SARNP: variants seen among roughly 807,000 people sequenced by gnomAD.
SARNP encodes the protein SAP domain-containing ribonucleoprotein.
SARNP carries 5 observed loss-of-function variants against 38.1 expected under a neutral mutation model. The observed-to-expected ratio is 0.13, with a 90% CI of 0.07 to 0.28. The LOEUF (loss-of-function observed/expected upper bound fraction) is 0.28. Among genes scored for constraint, SARNP ranks in the 10% least tolerant of loss-of-function variants. SARNP has a pLI of 1.00. For missense variants in SARNP, 180 were observed against 243.9 expected, an observed-to-expected ratio of 0.74 and a Z score of 1.75; for synonymous variants, 84 against 80.6, an observed-to-expected ratio of 1.04 and a Z score of -0.23.
intron 9 of SARNP, among the ~76,000 whole-genome samples, chr12:55,771,095 G>A (rs900704369): frequency 3.3e-5 from 5 of 151,896 alleles, no homozygotes; most frequent in African/African-American, 9.7e-5. Flanking sequence ...ATGCCACCAC[G>A]CCTGGCTGTT....
At chr12:55,764,300 G>A (rs931744041) in intron 9 of SARNP, among the ~76,000 whole-genome samples, 3 of 151,882 alleles carry the variant, frequency 2.0e-5, no homozygotes, top group Non-Finnish European at 2.9e-5. Flanking sequence ...TCCCAGGAAG[G>A]ATCTTCTAAA....
intron 1 of SARNP, among the ~76,000 whole-genome samples, chr12:55,804,448 T>C (rs891723371): frequency 1.9e-4 from 28 of 149,812 alleles, no homozygotes; most frequent in African/African-American, 6.6e-4. Flanking sequence ...TCAGGACTAA[T>C]AATAAGCCAA....
At chr12:55,803,985 C>A (rs1880061438) in intron 1 of SARNP, among the ~76,000 whole-genome samples, 1 of 152,088 alleles carries the variant, frequency 6.6e-6, no homozygotes. Flanking sequence ...ATTTGTATAC[C>A]TACTAACTGT....
chr12:55,753,015 AG>A (rs1339570186), downstream of SARNP: 1 of 152,238 alleles, frequency 6.6e-6, no homozygotes, highest in Non-Finnish European at 1.5e-5. Flanking sequence ...GAAAACACTA[AG>A]GGCATGGTGG....
At chr12:55,782,284 G>A (rs1450482653) in intron 9 of SARNP, among the ~76,000 whole-genome samples, 1 of 152,178 alleles carries the variant, frequency 6.6e-6, no homozygotes, top group Non-Finnish European at 1.5e-5. Context: ...TCACATTCCT[G>A]GGGAAGGAGA....
At chr12:55,774,883 G>GTTTTT (rs367957447) in intron 9 of SARNP, among the ~76,000 whole-genome samples, 5 of 110,734 alleles carry the variant, frequency 4.5e-5, no homozygotes, top group East Asian at 2.7e-4. Flanking sequence ...ATTTCTATTT[G>GTTTTT]TTTTTTTTTT....
At chr12:55,795,627 A>G (rs1879798292) in intron 5 of SARNP, among the ~76,000 whole-genome samples, 1 of 152,152 alleles carries the variant, frequency 6.6e-6, no homozygotes, top group Non-Finnish European at 1.5e-5. Flanking sequence ...TGAACACAAG[A>G]TCTCAAATGG....
At chr12:55,800,190 CA>C (rs11393903) in intron 4 of SARNP, among the ~76,000 whole-genome samples, 78 of 139,282 alleles carry the variant, frequency 5.6e-4, no homozygotes, top group Middle Eastern at 3.8e-3. Context: ...GATCCTGTCT[CA>C]AAAAAAAAAA....
intron 9 of SARNP, among the ~76,000 whole-genome samples, chr12:55,773,585 C>T (rs919077380): frequency 6.6e-6 from 1 of 152,132 alleles, no homozygotes; most frequent in Non-Finnish European, 1.5e-5. Flanking sequence ...TCAGGGCACA[C>T]TGCAGTTATG....
chr12:55,817,326 T>C (rs755511025), intron 1 of SARNP, among the ~76,000 whole-genome samples: 6 of 152,096 alleles, frequency 3.9e-5, no homozygotes, highest in Admixed American at 3.9e-4. Flanking sequence ...GGCTCCGACA[T>C]GGGGCAAAAA....
At chr12:55,792,574 G>C (rs921159636) in intron 7 of SARNP, 3 of 124,176 alleles carry the variant, frequency 2.4e-5, no homozygotes, top group African/African-American at 8.4e-5. Context: ...TAGTAGAGAA[G>C]GGTTTCGCCA....
chr12:55,807,541 T>C (rs546197936), intron 1 of SARNP, among the ~76,000 whole-genome samples: 168 of 150,766 alleles, frequency 1.1e-3, no homozygotes, highest in African/African-American at 3.8e-3. Context: ...GGTGGCTCAC[T>C]CCTGTAATCC....
intron 2 of SARNP, among the ~76,000 whole-genome samples, chr12:55,803,417 G>C (rs1880042852): frequency 6.6e-6 from 1 of 151,702 alleles, no homozygotes; most frequent in Non-Finnish European, 1.5e-5. Flanking sequence ...CCGGGAGACA[G>C]AGGTTGCAAT....
At chr12:55,800,669 A>C (rs1416543068) in intron 3 of SARNP, 40 bp from the exon 4 acceptor site, 1 of 1,497,404 alleles carries the variant, frequency 6.7e-7, no homozygotes, top group South Asian at 1.2e-5. Flanking sequence ...ATAAATCTAA[A>C]GAATAAATAT....
intron 1 of SARNP, among the ~76,000 whole-genome samples, chr12:55,808,278 G>A (rs1410167392): frequency 1.3e-5 from 2 of 151,926 alleles, no homozygotes; most frequent in African/African-American, 4.8e-5. Context: ...GAGCCCCGGA[G>A]TTCAAGAACA....
chr12:55,800,670 GAATA>G (rs779066986), intron 3 of SARNP, 41 bp from the exon 4 acceptor site: 3 of 1,494,498 alleles, frequency 2.0e-6, no homozygotes, highest in Non-Finnish European at 2.8e-6. Flanking sequence ...TAAATCTAAA[GAATA>G]AATATCTATC....
downstream of SARNP, chr12:55,755,990 C>T (rs1352569329): frequency 6.6e-6 from 1 of 152,196 alleles, no homozygotes; most frequent in Non-Finnish European, 1.5e-5. Context: ...TCAGCATCTG[C>T]TCTATTCCCT....
At chr12:55,817,644 G>A (rs1379538422) in intron 1 of SARNP, 22 bp downstream of exon 1, 2 of 1,609,634 alleles carry the variant, frequency 1.2e-6, no homozygotes, top group Admixed American at 1.7e-5. Context: ...GTCCAACTCA[G>A]CCCTTCCCCG....
At position 55,787,638 on chromosome 12, in the gene SARNP, T is replaced by A. The variant is rs185535400; in HGVS notation, c.501+1437A>T. ...TTTTAGTAGAGACAGGGTTTCACCATGTTGGCTGGGCTGGTCTCAACTCCT... is the reference window on the plus strand; with the variant it reads ...TTTTAGTAGAGACAGGGTTTCACCAAGTTGGCTGGGCTGGTCTCAACTCCT... On this transcript the variant is annotated intron_variant, in intron 9 of 10. Transcript: ENST00000336133. Among the ~76,000 whole-genome samples the A allele has an allele frequency of 1.1e-4, 16 of 152,308 alleles. 1 individual carries two copies. In the East Asian group the frequency reaches 2.9e-3, roughly 28 times the overall value.
Sources: gnomAD v4.1 joint callset for allele counts (sites outside exome capture counted in the v4.1 genomes callset) on GRCh38, gnomAD v4.1.1 for gene constraint, MANE v1.5 for transcripts, NCBI Gene and HGNC (gene_info 2026-07-23, HGNC 2026-07-21) for gene names.